BRDT: variants seen among roughly 807,000 people sequenced by gnomAD.
BRDT encodes the protein bromodomain testis-specific protein.
In BRDT, 77 loss-of-function variants were observed where a neutral mutation model predicts 113.9. The ratio of observed to expected loss-of-function variants is 0.68; its 90% CI spans 0.56 to 0.82. BRDT has a LOEUF of 0.82. Ranked by LOEUF, BRDT falls within the 40% of genes least tolerant of loss-of-function variation. BRDT has a pLI of 0.00. For synonymous variants in BRDT, 358 were observed against 366.5 expected (o/e 0.98, Z 0.26); for missense variants, 1,027 against 1,105.4 (o/e 0.93, Z 1.01).
At chr1:91,964,974 A>G (rs1682908435) in intron 3 of BRDT, among the ~76,000 whole-genome samples, 2 of 143,330 alleles carry the variant, frequency 1.4e-5, no homozygotes, top group Admixed American at 7.2e-5. Flanking sequence ...CAGTGGTGTG[A>G]TCTCAGCTCA....
intron 8 of BRDT, among the ~76,000 whole-genome samples, chr1:91,980,120 A>C (rs1424266306): frequency 6.6e-6 from 1 of 152,208 alleles, no homozygotes; most frequent in Admixed American, 6.5e-5. Flanking sequence ...TAAAAACTTA[A>C]GACCAACCAG....
intron 18 of BRDT, among the ~76,000 whole-genome samples, chr1:92,006,571 A>T (rs1399265622): frequency 6.6e-6 from 1 of 151,860 alleles, no homozygotes; most frequent in Non-Finnish European, 1.5e-5. Context: ...GGTTCAAGCG[A>T]TTCTTCTGCC....
At chr1:91,985,133 G>A (rs185993225) in intron 12 of BRDT, among the ~76,000 whole-genome samples, 362 of 152,216 alleles carry the variant, frequency 2.4e-3, no homozygotes, top group Non-Finnish European at 4.4e-3. Context: ...CCAGGCTGGG[G>A]TGCAGTGGCA....
intron 1 of BRDT, among the ~76,000 whole-genome samples, chr1:91,960,972 T>C (rs1428931670): frequency 6.6e-6 from 1 of 152,246 alleles, no homozygotes; most frequent in African/African-American, 2.4e-5. Flanking sequence ...TGTAGCAATA[T>C]GTGCCACAGA....
chr1:92,000,113 A>C (rs1203908126), intron 15 of BRDT, among the ~76,000 whole-genome samples: 1 of 152,230 alleles, frequency 6.6e-6, no homozygotes, highest in Admixed American at 6.5e-5. Flanking sequence ...TCTGGGCTTA[A>C]GGAATCCTCC....
chr1:91,979,824 T>C (rs544328187), intron 8 of BRDT, 67 bp downstream of exon 8: 5 of 1,475,200 alleles, frequency 3.4e-6, no homozygotes, highest in Non-Finnish European at 4.6e-6. Flanking sequence ...AAATTTTTTC[T>C]GCAGATTTAA....
chr1:91,953,509 G>A (rs1374675617), intron 1 of BRDT, among the ~76,000 whole-genome samples: 6 of 151,828 alleles, frequency 4.0e-5, no homozygotes, highest in Non-Finnish European at 7.4e-5. Flanking sequence ...GTGAAACCCC[G>A]TCTCTACTAA....
At chr1:91,982,980 C>G (rs531610594) in intron 12 of BRDT, among the ~76,000 whole-genome samples, 1 of 152,150 alleles carries the variant, frequency 6.6e-6, no homozygotes, top group South Asian at 2.1e-4. Flanking sequence ...AGTTAGAGCA[C>G]TTTGTCTTTT....
At chr1:91,977,762 C>T (rs1684298162) in intron 6 of BRDT, among the ~76,000 whole-genome samples, 2 of 151,606 alleles carry the variant, frequency 1.3e-5, no homozygotes, top group East Asian at 1.9e-4. Flanking sequence ...CCAGCTACTC[C>T]AGAGGCTGAG....
chr1:91,987,281 A>T (rs1442950916), intron 12 of BRDT, among the ~76,000 whole-genome samples: 1 of 151,990 alleles, frequency 6.6e-6, no homozygotes, highest in African/African-American at 2.4e-5. Context: ...TTTCTAATTT[A>T]AAAGTCTTTG....
chr1:91,993,970 G>A, intron 14 of BRDT, 113 bp from the exon 15 acceptor site: 2 of 853,074 alleles, frequency 2.3e-6, no homozygotes, highest in East Asian at 5.9e-5. Context: ...AAATAATAAG[G>A]TATTTTAAAA....
At chr1:92,002,186 G>A in intron 16 of BRDT, 37 bp downstream of exon 16, 1 of 1,459,300 alleles carries the variant, frequency 6.9e-7, no homozygotes, top group Non-Finnish European at 9.6e-7. Flanking sequence ...AATCTTGAAG[G>A]GATTTGAAAT....
intron 6 of BRDT, chr1:91,977,638 A>G: frequency 4.0e-6 from 1 of 247,644 alleles, no homozygotes; most frequent in Non-Finnish European, 7.6e-6. Flanking sequence ...TGGGAGGCCA[A>G]GGCGGGCGGA....
rs138555390 is a variant in BRDT, at chr1:91,991,241, T to C, written c.2060T>C (p.Val687Ala). 2 of 1,527,634 alleles carry C rather than the reference T, an allele frequency of 1.3e-6. No homozygotes were observed. The highest frequency in any genetic ancestry group is 1.8e-6 in the Non-Finnish European group (2 of 1,115,058). The allele number at this position is 1,527,634 out of a possible 1,614,324, so 94.6% of individuals were successfully genotyped here. Residue 687 changes from valine (V) to alanine (A), a missense_variant, in exon 13 of 19, where the codon GTA (valine) becomes GCA (alanine). By Grantham distance (64) the Val-to-Ala change is moderately conservative. Transcript: ENST00000399546. ...KPNDSPSKEN[V>A]KKMKNECIPP... ...AATGATTCTCCTTCTAAAGAGAATG[T>C]AAAGGTAAGTGAATTCTTTATTTGT...
At chr1:91,996,910 G>A (rs866478707) in intron 15 of BRDT, among the ~76,000 whole-genome samples, 1 of 152,216 alleles carries the variant, frequency 6.6e-6, no homozygotes, top group Middle Eastern at 3.4e-3. Flanking sequence ...TTAGAAATTA[G>A]GAATTAACAG....
chr1:91,996,684 AC>A (rs1232880700), intron 15 of BRDT, among the ~76,000 whole-genome samples: 1 of 152,226 alleles, frequency 6.6e-6, no homozygotes, highest in Non-Finnish European at 1.5e-5. Flanking sequence ...CAAAACTAAC[AC>A]AGCAACTGTA....
intron 3 of BRDT, among the ~76,000 whole-genome samples, chr1:91,965,664 A>G (rs1295769890): frequency 1.3e-5 from 2 of 152,112 alleles, no homozygotes; most frequent in Admixed American, 6.6e-5. Context: ...CCTGACCAAC[A>G]TGGTGAAACC....
chr1:91,988,266 A>G (rs1236185529), intron 12 of BRDT, among the ~76,000 whole-genome samples: 1 of 152,180 alleles, frequency 6.6e-6, no homozygotes, highest in South Asian at 2.1e-4. Context: ...CACAGTATGC[A>G]TTTGTTTAAT....
At chr1:91,982,997 A>G (rs543794394) in intron 12 of BRDT, among the ~76,000 whole-genome samples, 4 of 152,294 alleles carry the variant, frequency 2.6e-5, no homozygotes, top group African/African-American at 9.6e-5. Context: ...TTTTATTTGT[A>G]GGATAAAAGT....
Sources: gnomAD v4.1 joint callset for allele counts (sites outside exome capture counted in the v4.1 genomes callset) on GRCh38, gnomAD v4.1.1 for gene constraint, MANE v1.5 for transcripts, NCBI Gene and HGNC (gene_info 2026-07-23, HGNC 2026-07-21) for gene names.